The following ZFP91 variants were observed in gnomAD, a reference collection of about 807,000 sequenced individuals.
ZFP91 encodes E3 ubiquitin-protein ligase ZFP91.
In ZFP91, 7 loss-of-function variants were observed where a neutral mutation model predicts 63.5. The ratio of observed to expected loss-of-function variants is 0.11; its 90% CI spans 0.06 to 0.21. The LOEUF (loss-of-function observed/expected upper bound fraction) is 0.21, where lower values mean the gene tolerates loss of function less well. Among genes scored for constraint, ZFP91 ranks in the 10% least tolerant of loss-of-function variants. The pLI is 1.00. For missense variants in ZFP91, 628 were observed against 736.6 expected (o/e 0.85, Z 1.71); for synonymous variants, 330 against 272.1 (o/e 1.21, Z -2.10).
At position 58,609,817 on chromosome 11, in the gene ZFP91, T is replaced by A; in HGVS notation, c.371-13T>A. ...CTGTAAACTTAAAGAGAATGGTATGTCTTTTTATTTAGATCCCAAGGAAGA... is the reference window on the plus strand; with the variant it reads ...CTGTAAACTTAAAGAGAATGGTATGACTTTTTATTTAGATCCCAAGGAAGA... On this transcript the variant is annotated splice_polypyrimidine_tract_variant and intron_variant, in intron 2 of 10. Transcript: ENST00000316059. 6.2e-7 allele frequency: 1 copy of A among 1,612,302 alleles called. No homozygotes were observed. The highest frequency in any genetic ancestry group is 8.5e-7 in the Non-Finnish European group (1 of 1,178,344).
At chr11:58,591,772 A>T (rs1242509563) in intron 2 of ZFP91, among the ~76,000 whole-genome samples, 1 of 152,160 alleles carries the variant, frequency 6.6e-6, no homozygotes, top group African/African-American at 2.4e-5. Flanking sequence ...TTGTATCTAG[A>T]GTCTATTCCA....
At chr11:58,594,204 G>C (rs1039758961) in intron 2 of ZFP91, among the ~76,000 whole-genome samples, 6 of 152,184 alleles carry the variant, frequency 3.9e-5, no homozygotes, top group African/African-American at 1.2e-4. Context: ...CATGATAAAT[G>C]ATGGGTTTTG....
chr11:58,606,415 G>T (rs971432017), intron 2 of ZFP91, among the ~76,000 whole-genome samples: 7 of 152,174 alleles, frequency 4.6e-5, no homozygotes, highest in Non-Finnish European at 1.0e-4. Flanking sequence ...TTCTGTATTT[G>T]TCGAGACATA....
At chr11:58,580,292 A>G (rs948562) in intron 1 of ZFP91, among the ~76,000 whole-genome samples, 22,527 of 152,076 alleles carry the variant, frequency 0.15, 1,880 homozygotes, top group Middle Eastern at 0.2. Flanking sequence ...CGTGTTTTTA[A>G]ATGTAGGAAC....
chr11:58,614,425 C>A, intron 9 of ZFP91, 82 bp downstream of exon 9: 5 of 1,029,086 alleles, frequency 4.9e-6, no homozygotes, highest in South Asian at 1.9e-5. Flanking sequence ...GTTTTTCTAA[C>A]ATAAGTCTTA....
chr11:58,616,765 C>T lies in ZFP91; in HGVS notation c.1152C>T (p.Ser384=). The part of the protein sequence containing the change: ...CEYCARAFKS[S]HNLAVHRMIH... ...ATTGTGCTCGGGCCTTCAAGAGTTCCCACAATCTGGCAGTGCACCGGATGA... is the reference window on the plus strand; with the variant it reads ...ATTGTGCTCGGGCCTTCAAGAGTTCTCACAATCTGGCAGTGCACCGGATGA... Residue 384 remains serine, a synonymous_variant, in exon 10 of 11, where the codon TCC becomes TCT. Transcript: ENST00000316059. The T allele has an allele frequency of 6.2e-7, 1 of 1,613,778 alleles. No individual in the cohort carries two copies. Among genetic ancestry groups the T allele is most frequent in the Non-Finnish European group, 8.5e-7 (1 of 1,179,852 alleles).
intron 1 of ZFP91, among the ~76,000 whole-genome samples, chr11:58,582,692 T>A (rs930032873): frequency 2.0e-5 from 3 of 152,214 alleles, no homozygotes; most frequent in Admixed American, 2.0e-4. Flanking sequence ...GCAAGTCACT[T>A]AACCTCTTCA....
In ZFP91 at chr11:58,580,961, T is replaced by C. The variant is rs796176523; in HGVS notation, c.341+1339T>C. Among the ~76,000 whole-genome samples, 19 of 152,324 alleles carry C rather than the reference T, an allele frequency of 1.2e-4. 1 individual carries two copies. The highest frequency in any genetic ancestry group is 4.1e-4 in the African/African-American group (17 of 41,580). On this transcript the variant is annotated intron_variant, in intron 1 of 10. Coordinates refer to ENST00000316059, the MANE Select transcript of ZFP91 (RefSeq NM_053023.5). ...AATCTCATGAATTTGAAAAGATACATGTATATCATTGACCTCATTTGGATA... is the reference window on the plus strand; with the variant it reads ...AATCTCATGAATTTGAAAAGATACACGTATATCATTGACCTCATTTGGATA...
chr11:58,583,536 C>A (rs1053425580), intron 1 of ZFP91, among the ~76,000 whole-genome samples: 1 of 151,966 alleles, frequency 6.6e-6, no homozygotes, highest in Admixed American at 6.6e-5. Context: ...TTTGGAGAAG[C>A]CTTCAGTTGT....
In ZFP91 at chr11:58,612,119, C is replaced by G. The variant is rs149644873; in HGVS notation, c.858-159C>G. The stretch of plus-strand genomic sequence containing the variant: ...GTGAAATTACTTCAGGGTAAAATTA[C>G]TTGCTTGATTTGCCAGATATATCTT... On this transcript the variant is annotated intron_variant, in intron 6 of 10. Coordinates refer to ENST00000316059, the MANE Select transcript of ZFP91 (RefSeq NM_053023.5). 4.5e-5 allele frequency: 32 copies of G among 707,156 alleles called. No homozygotes were observed. In the African/African-American group the frequency reaches 5.6e-4, roughly 12 times the overall value. 43.8% of individuals were successfully genotyped at this position (707,156 alleles called of 1,614,324 possible). A position where few individuals can be genotyped will look rare whatever the true frequency, so the allele number is the denominator to read the frequency against.
Position 58,579,182 on chromosome 11 carries a change from CGCAGGCTTCG to C in ZFP91, c.-98_-89del. The C allele has an allele frequency of 9.8e-7, 1 of 1,019,296 alleles. No homozygotes were observed. Among genetic ancestry groups the C allele is most frequent in the Non-Finnish European group, 1.3e-6 (1 of 772,694 alleles). The allele number at this position is 1,019,296 out of a possible 1,614,324, so 63.1% of individuals were successfully genotyped here. ...AGAGGAGCGCAGGGTGAGAGTGAGC[CGCAGGCTTCG>C]GGAGGCGAGGGGGCGGGGGGAGCAG... On this transcript the variant is annotated 5_prime_UTR_variant, in exon 1 of 11. Coordinates refer to ENST00000316059, the MANE Select transcript of ZFP91 (RefSeq NM_053023.5).
At chr11:58,606,402 G>C (rs1294919502) in intron 2 of ZFP91, among the ~76,000 whole-genome samples, 1 of 151,900 alleles carries the variant, frequency 6.6e-6, no homozygotes, top group Non-Finnish European at 1.5e-5. Flanking sequence ...CTTTTTATTG[G>C]TATTCTGTAT....
At chr11:58,595,311 A>T (rs1390869835) in intron 2 of ZFP91, among the ~76,000 whole-genome samples, 1 of 152,182 alleles carries the variant, frequency 6.6e-6, no homozygotes, top group Non-Finnish European at 1.5e-5. Context: ...AGATTTGAAG[A>T]CCTTTACCTT....
At position 58,621,399 on chromosome 11, in the gene ZFP91, T is replaced by A. The variant is rs536162703; in HGVS notation, c.*3693T>A. On this transcript the variant is annotated 3_prime_UTR_variant, in exon 11 of 11. Transcript: ENST00000316059. ...TTAATATTAATACTTCTTCTCAAAA[T>A]TGAATGTTTATATCAAGTACTGATT... Among the ~76,000 whole-genome samples, 4 of 152,350 alleles carry A rather than the reference T, an allele frequency of 2.6e-5. No individual in the cohort carries two copies. Among genetic ancestry groups the A allele is most frequent in the African/African-American group, 9.6e-5 (4 of 41,584 alleles).
intron 1 of ZFP91, among the ~76,000 whole-genome samples, chr11:58,583,621 T>C (rs2134387811): frequency 6.6e-6 from 1 of 152,222 alleles, no homozygotes; most frequent in Admixed American, 6.5e-5. Flanking sequence ...TCAAGGTTTT[T>C]GGAAAAGTTT....
At position 58,598,749 on chromosome 11, in the gene ZFP91, C is replaced by CGTGTGT. The variant is rs56110499; in HGVS notation, c.371-11048_371-11043dup. ...AGAAACCTGGCAATACTTTTGTGCA[C>CGTGTGT]GTGTGTGTGTGTGTGTGTGTGTGTG... On this transcript the variant is annotated intron_variant, in intron 2 of 10. Transcript: ENST00000316059. Among the ~76,000 whole-genome samples, 1,037 of 120,888 alleles carry CGTGTGT rather than the reference C, an allele frequency of 8.6e-3. 8 individuals are homozygous for CGTGTGT. Among genetic ancestry groups the CGTGTGT allele is most frequent in the African/African-American group, 0.017 (657 of 37,952 alleles). 79.3% of individuals were successfully genotyped at this position (120,888 alleles called of 152,430 possible). A position where few individuals can be genotyped will look rare whatever the true frequency, so the allele number is the denominator to read the frequency against.
chr11:58,609,114 C>T (rs370593665), intron 2 of ZFP91, among the ~76,000 whole-genome samples: 2 of 152,026 alleles, frequency 1.3e-5, no homozygotes, highest in Non-Finnish European at 2.9e-5. Flanking sequence ...TATTTAGCTA[C>T]GCCAGGTATG....
chr11:58,609,510 C>T (rs939438648), intron 2 of ZFP91, among the ~76,000 whole-genome samples: 11 of 152,122 alleles, frequency 7.2e-5, no homozygotes, highest in African/African-American at 2.4e-4. Flanking sequence ...AATTTAGTTT[C>T]TTTTAACTTA....
At chr11:58,584,745 A>G (rs1226937315) in intron 1 of ZFP91, 111 bp from the exon 2 acceptor site, 5 of 951,212 alleles carry the variant, frequency 5.3e-6, no homozygotes, top group Non-Finnish European at 7.6e-6. Context: ...GTAGGACAAC[A>G]CTAGTCTAGA....
Sources: allele counts gnomAD v4.1 joint callset (sites outside exome capture counted in the v4.1 genomes callset), GRCh38; gene constraint gnomAD v4.1.1; transcripts MANE v1.5; gene names NCBI Gene and HGNC (gene_info 2026-07-23, HGNC 2026-07-21).